Variants in CDH13 observed in about 807,000 individuals in gnomAD.
CDH13 encodes cadherin 13.
CDH13 carries 24 observed loss-of-function variants against 63.8 expected under a neutral mutation model. The ratio of observed to expected loss-of-function variants is 0.38; its 90% CI spans 0.27 to 0.53. The LOEUF is 0.53. Among genes scored for constraint, CDH13 ranks in the 20% least tolerant of loss-of-function variants. The pLI is 0.85. For missense variants in CDH13, 1,049 were observed against 903.1 expected, an observed-to-expected ratio of 1.16 and a Z score of -2.07; for synonymous variants, 503 against 355.3, an observed-to-expected ratio of 1.42 and a Z score of -4.67.
chr16:82,842,117 TATATATATATATATATATATAC>T (rs2039043327), intron 1 of CDH13, among the ~76,000 whole-genome samples: 8 of 47,060 alleles, frequency 1.7e-4, no homozygotes, highest in Non-Finnish European at 2.6e-4. Flanking sequence ...TATATGTATA[TATATATATATATATATATATAC>T]ACATATATAT....
At chr16:82,886,780 G>A (rs376997711) in intron 2 of CDH13, among the ~76,000 whole-genome samples, 10 of 152,076 alleles carry the variant, frequency 6.6e-5, no homozygotes, top group Admixed American at 5.2e-4. Context: ...ACCAAGTGCT[G>A]ATGGGCTTGA....
At chr16:82,975,021 A>C (rs796126325) in intron 2 of CDH13, among the ~76,000 whole-genome samples, 9 of 152,246 alleles carry the variant, frequency 5.9e-5, no homozygotes, top group African/African-American at 1.9e-4. Flanking sequence ...TGATAGCCGC[A>C]CATGAAGTCC....
intron 7 of CDH13, among the ~76,000 whole-genome samples, chr16:83,593,051 A>G (rs1906912499): frequency 6.6e-6 from 1 of 152,182 alleles, no homozygotes; most frequent in Non-Finnish European, 1.5e-5. Flanking sequence ...CAGACAGACA[A>G]CAACTCGTTC....
At chr16:83,749,234 G>T (rs909748460) in intron 11 of CDH13, among the ~76,000 whole-genome samples, 3 of 152,114 alleles carry the variant, frequency 2.0e-5, no homozygotes, top group African/African-American at 7.2e-5. Flanking sequence ...TACTCAACAA[G>T]GGTGAACTAA....
chr16:83,577,492 T>C (rs1905167927), intron 7 of CDH13, among the ~76,000 whole-genome samples: 1 of 152,114 alleles, frequency 6.6e-6, no homozygotes, highest in Admixed American at 6.5e-5. Flanking sequence ...CAGTGAGGGG[T>C]CTGCATTCTT....
intron 10 of CDH13, among the ~76,000 whole-genome samples, chr16:83,729,282 T>C (rs528370768): frequency 6.6e-6 from 1 of 152,300 alleles, no homozygotes; most frequent in South Asian, 2.1e-4. Context: ...ATTATACATA[T>C]GTGTATGTAT....
At chr16:83,582,125 A>C (rs1303163505) in intron 7 of CDH13, among the ~76,000 whole-genome samples, 2 of 152,088 alleles carry the variant, frequency 1.3e-5, no homozygotes, top group Admixed American at 6.5e-5. Context: ...AGTAGGGTGT[A>C]AGGGAAAAAG....
chr16:83,745,230 A>G (rs1350584283), intron 10 of CDH13, among the ~76,000 whole-genome samples: 1 of 152,124 alleles, frequency 6.6e-6, no homozygotes, highest in Admixed American at 6.5e-5. Flanking sequence ...AACAGGCCAG[A>G]CGCCTTCCAG....
intron 8 of CDH13, among the ~76,000 whole-genome samples, chr16:83,648,259 A>G (rs913231928): frequency 6.6e-6 from 1 of 152,184 alleles, no homozygotes; most frequent in Admixed American, 6.5e-5. Context: ...TTTTACATGC[A>G]AGAACAAGCC....
chr16:83,195,069 C>G (rs1040604586), intron 4 of CDH13, among the ~76,000 whole-genome samples: 3 of 152,108 alleles, frequency 2.0e-5, no homozygotes, highest in Admixed American at 2.0e-4. Context: ...GGGTGTCTAT[C>G]CTAAGGAATA....
intron 1 of CDH13, among the ~76,000 whole-genome samples, chr16:82,673,361 CA>C (rs566238105): frequency 4.9e-4 from 74 of 152,246 alleles, no homozygotes; most frequent in African/African-American, 9.6e-4. Context: ...ACACTAATGC[CA>C]TTACTAGTTC....
intron 4 of CDH13, among the ~76,000 whole-genome samples, chr16:83,151,457 G>A (rs1429116912): frequency 6.6e-6 from 1 of 152,154 alleles, no homozygotes; most frequent in Non-Finnish European, 1.5e-5. Context: ...CCTATGGGAG[G>A]ATAGCCATCA....
At chr16:83,508,055 A>AAG (rs2074445426) in intron 7 of CDH13, among the ~76,000 whole-genome samples, 1 of 58,296 alleles carries the variant, frequency 1.7e-5, no homozygotes, top group Non-Finnish European at 3.1e-5. Context: ...GAGAAAGAGA[A>AAG]GAAGGAAGGA....
chr16:83,031,922 G>A (rs982590192), intron 2 of CDH13, 88 bp from the exon 3 acceptor site: 20 of 1,022,284 alleles, frequency 2.0e-5, no homozygotes, highest in Non-Finnish European at 2.8e-5. Flanking sequence ...AAACTATGTG[G>A]TAATTCACAC....
rs536903693 is a variant in CDH13 at position 83,070,055 on chromosome 16, C to A, written c.366+37837C>A. Among the ~76,000 whole-genome samples the A allele has an allele frequency of 2.3e-3, 356 of 152,162 alleles. 1 individual carries two copies. The highest frequency in any genetic ancestry group is 3.4e-3 in the Middle Eastern group (1 of 294). ...CTTTTTTTCAAGGCACTTGATGCTT[C>A]TCTAGATAGAAAAATTGTTTTCACC... On this transcript the variant is annotated intron_variant, in intron 3 of 13. Transcript: ENST00000567109.
intron 1 of CDH13, among the ~76,000 whole-genome samples, chr16:82,725,325 C>A (rs1377600195): frequency 6.6e-6 from 1 of 152,148 alleles, no homozygotes; most frequent in Non-Finnish European, 1.5e-5. Context: ...TGGCCTTGGG[C>A]AGAGCATAAA....
chr16:82,896,720 G>A (rs1038041123), intron 2 of CDH13, among the ~76,000 whole-genome samples: 1 of 146,120 alleles, frequency 6.8e-6, no homozygotes, highest in Non-Finnish European at 1.5e-5. Flanking sequence ...GTGAATAAGA[G>A]ACGAAAGAAA....
chr16:83,407,990 ATC>A (rs1257353126), intron 6 of CDH13, among the ~76,000 whole-genome samples: 2 of 152,102 alleles, frequency 1.3e-5, no homozygotes, highest in Non-Finnish European at 2.9e-5. Context: ...TCCTTGGGTC[ATC>A]TCTCAGGTGT....
intron 5 of CDH13, among the ~76,000 whole-genome samples, chr16:83,309,937 G>T (rs7188692): frequency 2.0e-5 from 3 of 151,566 alleles, no homozygotes; most frequent in Non-Finnish European, 4.4e-5. Context: ...CTCTCCCTCA[G>T]CATAAAGGAA....
Sources: allele counts gnomAD v4.1 joint callset (sites outside exome capture counted in the v4.1 genomes callset), GRCh38; gene constraint gnomAD v4.1.1; transcripts MANE v1.5; gene names NCBI Gene and HGNC (gene_info 2026-07-23, HGNC 2026-07-21).